The following ELAVL2 variants were observed in gnomAD, a reference collection of about 807,000 sequenced individuals.
ELAVL2 encodes ELAV-like protein 2.
ELAVL2 carries 4 observed loss-of-function variants against 34.6 expected under a neutral mutation model. That is an observed-to-expected ratio of 0.12 (90% CI 0.06 to 0.26). ELAVL2 has a LOEUF of 0.26. Ranked by LOEUF, ELAVL2 falls within the 10% of genes least tolerant of loss-of-function variation. The pLI, the probability that ELAVL2 is intolerant of heterozygous loss-of-function variation, is 1.00. For synonymous variants in ELAVL2, 193 were observed against 154.8 expected (o/e 1.25, Z -1.83); for missense variants, 432 against 442.8 (o/e 0.98, Z 0.22).
chr9:23,704,506 G>A (rs921691386), intron 4 of ELAVL2, among the ~76,000 whole-genome samples: 1 of 152,130 alleles, frequency 6.6e-6, no homozygotes, highest in African/African-American at 2.4e-5. Context: ...AATTACCAGT[G>A]TGGATGTAGT....
intron 5 of ELAVL2, among the ~76,000 whole-genome samples, chr9:23,698,550 T>G (rs1043549964): frequency 2.5e-4 from 38 of 152,144 alleles, no homozygotes; most frequent in African/African-American, 8.4e-4. Context: ...CAAGGTACTA[T>G]GAGAACATAA....
chr9:23,845,847 G>C, the ELAVL2 span, among the ~76,000 whole-genome samples: 1 of 151,714 alleles, frequency 6.6e-6, no homozygotes. Context: ...CAACTCAGGA[G>C]ACCATTTATT....
At chr9:23,740,898 A>T (rs759174073) in intron 2 of ELAVL2, among the ~76,000 whole-genome samples, 4 of 152,248 alleles carry the variant, frequency 2.6e-5, no homozygotes, top group Admixed American at 6.5e-5. Context: ...TCTCCTCAGC[A>T]GATTGCATTA....
intron 2 of ELAVL2, among the ~76,000 whole-genome samples, chr9:23,735,047 A>G (rs1243631425): frequency 6.8e-6 from 1 of 147,026 alleles, no homozygotes; most frequent in Non-Finnish European, 1.5e-5. Context: ...TACAACCATT[A>G]TGGAAACCAA....
At chr9:23,704,678 T>C (rs572476719) in intron 4 of ELAVL2, among the ~76,000 whole-genome samples, 4 of 152,304 alleles carry the variant, frequency 2.6e-5, no homozygotes, top group Admixed American at 1.3e-4. Context: ...TTACAAGCCA[T>C]GAAACAGGCT....
intron 3 of ELAVL2, among the ~76,000 whole-genome samples, chr9:23,722,290 C>A (rs952932815): frequency 6.6e-6 from 1 of 152,140 alleles, no homozygotes. Context: ...AAAACATTGT[C>A]GAAGAATGCG....
At chr9:23,701,691 C>A in intron 4 of ELAVL2, 87 bp from the exon 5 acceptor site, 1 of 1,398,700 alleles carries the variant, frequency 7.1e-7, no homozygotes, top group Non-Finnish European at 9.8e-7. Flanking sequence ...ATTTTTCCTT[C>A]TCAAGAACAT....
chr9:23,750,495 C>T (rs766641806), intron 2 of ELAVL2, among the ~76,000 whole-genome samples: 1 of 151,966 alleles, frequency 6.6e-6, no homozygotes, highest in Non-Finnish European at 1.5e-5. Flanking sequence ...ATATTAGATC[C>T]CAAATCATTC....
Position 23,692,638 on chromosome 9 carries a change from C to G in ELAVL2, c.999G>C (p.Ala333=), listed in dbSNP as rs138707415. The G allele has an allele frequency of 6.2e-7, 1 of 1,614,196 alleles. No homozygotes were observed. Among genetic ancestry groups the G allele is most frequent in the Non-Finnish European group, 8.5e-7 (1 of 1,180,012 alleles). The part of the protein sequence containing the change: ...TMTNYDEAAM[A]IASLNGYRLG... ...GACGGTATCCATTGAGGCTAGCTAT[C>G]GCCATGGCAGCCTCATCATAGTTTG... The change falls in exon 7 of 7, where the codon GCG becomes GCC. Residue 333 remains alanine, a synonymous_variant. Coordinates refer to ENST00000397312, the MANE Select transcript of ELAVL2 (RefSeq NM_004432.5).
intron 1 of ELAVL2, among the ~76,000 whole-genome samples, chr9:23,820,630 T>G (rs1405694036): frequency 6.7e-6 from 1 of 149,134 alleles, no homozygotes; most frequent in Non-Finnish European, 1.5e-5. Context: ...TTTAAGGAAA[T>G]GCCGTGAGAA....
At chr9:23,766,550 T>A (rs1052041617) in intron 1 of ELAVL2, among the ~76,000 whole-genome samples, 11 of 135,236 alleles carry the variant, frequency 8.1e-5, no homozygotes, top group African/African-American at 3.2e-4. Context: ...ACTAATGAGC[T>A]AATCTATTGA....
chr9:23,757,043 T>C (rs1156499686), intron 2 of ELAVL2, among the ~76,000 whole-genome samples: 1 of 152,126 alleles, frequency 6.6e-6, no homozygotes, highest in Non-Finnish European at 1.5e-5. Context: ...TGACAACAGA[T>C]TCCAAAACTC....
At chr9:23,711,747 C>CCTT (rs2041024643) in intron 3 of ELAVL2, among the ~76,000 whole-genome samples, 1 of 152,124 alleles carries the variant, frequency 6.6e-6, no homozygotes, top group African/African-American at 2.4e-5. Flanking sequence ...ATCTCTTAAC[C>CCTT]CTTTCTTGTG....
At chr9:23,725,336 A>C (rs1310906830) in intron 3 of ELAVL2, among the ~76,000 whole-genome samples, 1 of 152,100 alleles carries the variant, frequency 6.6e-6, no homozygotes, top group African/African-American at 2.4e-5. Context: ...TTTTTGGGCA[A>C]ATTCTATATG....
At chr9:23,761,934 G>C (rs1031671015) in intron 2 of ELAVL2, 72 bp downstream of exon 2, 4 of 1,475,992 alleles carry the variant, frequency 2.7e-6, no homozygotes, top group African/African-American at 1.4e-5. Flanking sequence ...TTTACAAGCA[G>C]TAATCTTATT....
chr9:23,742,732 GT>G (rs1179790869), intron 2 of ELAVL2, among the ~76,000 whole-genome samples: 1 of 152,096 alleles, frequency 6.6e-6, no homozygotes, highest in Non-Finnish European at 1.5e-5. Context: ...GACATCCATC[GT>G]CCCCAGTCGA....
At chr9:23,793,059 T>C (rs1032390141) in intron 1 of ELAVL2, among the ~76,000 whole-genome samples, 2 of 152,118 alleles carry the variant, frequency 1.3e-5, no homozygotes, top group Non-Finnish European at 2.9e-5. Flanking sequence ...ATTACAGGAG[T>C]GAGGCACCAC....
chr9:23,816,797 G>C (rs2063780204), intron 1 of ELAVL2, among the ~76,000 whole-genome samples: 1 of 152,186 alleles, frequency 6.6e-6, no homozygotes, highest in Non-Finnish European at 1.5e-5. Context: ...TGTGTTGCCA[G>C]ATGATTTTGC....
intron 1 of ELAVL2, 87 bp from the exon 2 acceptor site, chr9:23,762,336 A>G: frequency 2.0e-6 from 3 of 1,512,156 alleles, no homozygotes; most frequent in South Asian, 1.3e-5. Flanking sequence ...ACTTGTCACT[A>G]AACACAAGTC....
Sources: allele counts gnomAD v4.1 joint callset (sites outside exome capture counted in the v4.1 genomes callset), GRCh38; gene constraint gnomAD v4.1.1; transcripts MANE v1.5; gene names NCBI Gene and HGNC (gene_info 2026-07-23, HGNC 2026-07-21).